The following SAMD4A variants were observed in gnomAD, a reference collection of about 807,000 sequenced individuals.
SAMD4A encodes sterile alpha motif domain containing 4A.
In SAMD4A, 33 loss-of-function variants were observed where a neutral mutation model predicts 81.3. The observed-to-expected ratio is 0.41, with a 90% CI of 0.31 to 0.54. The LOEUF is 0.54. Among genes scored for constraint, SAMD4A ranks in the 20% least tolerant of loss-of-function variants. SAMD4A has a pLI of 0.37. For synonymous variants in SAMD4A, 389 were observed against 382.1 expected, an observed-to-expected ratio of 1.02 and a Z score of -0.21; for missense variants, 854 against 951.1, an observed-to-expected ratio of 0.90 and a Z score of 1.34.
intron 2 of SAMD4A, among the ~76,000 whole-genome samples, chr14:54,651,983 G>A (rs978827575): frequency 6.6e-6 from 1 of 152,208 alleles, no homozygotes; most frequent in Non-Finnish European, 1.5e-5. Context: ...TTTTCCAAGG[G>A]AGGGTTTAGA....
At chr14:54,593,450 G>C (rs559369556) in intron 2 of SAMD4A, among the ~76,000 whole-genome samples, 1 of 152,088 alleles carries the variant, frequency 6.6e-6, no homozygotes, top group Non-Finnish European at 1.5e-5. Flanking sequence ...TACAACAACA[G>C]GTTTTTCTAT....
intron 4 of SAMD4A, among the ~76,000 whole-genome samples, chr14:54,743,944 T>C (rs1211705662): frequency 6.6e-6 from 1 of 152,216 alleles, no homozygotes; most frequent in East Asian, 1.9e-4. Context: ...GAAAGGAACA[T>C]CTTCCATCCC....
chr14:54,680,393 GT>G (rs1163714839), intron 2 of SAMD4A, among the ~76,000 whole-genome samples: 8 of 152,226 alleles, frequency 5.3e-5, no homozygotes, highest in Non-Finnish European at 1.0e-4. Flanking sequence ...TTTCAGGTCT[GT>G]TACTGAAAGA....
chr14:54,723,006 G>C (rs2037301101), intron 3 of SAMD4A, among the ~76,000 whole-genome samples: 1 of 152,012 alleles, frequency 6.6e-6, no homozygotes, highest in Admixed American at 6.6e-5. Context: ...AACCCCATCT[G>C]GTACCTTGTG....
intron 3 of SAMD4A, among the ~76,000 whole-genome samples, chr14:54,721,621 G>A (rs2037264732): frequency 6.6e-6 from 1 of 152,128 alleles, no homozygotes; most frequent in Admixed American, 6.6e-5. Flanking sequence ...GGAAGGTAAG[G>A]GGCTGCCTGA....
chr14:54,687,734 G>A (rs1466559625), intron 2 of SAMD4A, among the ~76,000 whole-genome samples: 5 of 152,196 alleles, frequency 3.3e-5, no homozygotes, highest in African/African-American at 4.8e-5. Flanking sequence ...CTGCGCCTTG[G>A]TGTCCCCTAA....
chr14:54,657,729 G>A (rs1594778777), intron 2 of SAMD4A, among the ~76,000 whole-genome samples: 9 of 152,282 alleles, frequency 5.9e-5, no homozygotes, highest in African/African-American at 2.2e-4. Context: ...TGGAAATTAA[G>A]ATTTTCATAT....
chr14:54,711,160 A>G (rs1048153552), intron 3 of SAMD4A, among the ~76,000 whole-genome samples: 14 of 152,212 alleles, frequency 9.2e-5, no homozygotes, highest in Non-Finnish European at 1.9e-4. Context: ...ATGAATTTCC[A>G]AAATAAACAA....
intron 2 of SAMD4A, among the ~76,000 whole-genome samples, chr14:54,578,696 A>T (rs1429251469): frequency 6.6e-6 from 1 of 152,148 alleles, no homozygotes; most frequent in African/African-American, 2.4e-5. Flanking sequence ...TGGGTGACAG[A>T]GCGAGACTCC....
At chr14:54,642,182 G>T (rs1355763319) in intron 2 of SAMD4A, among the ~76,000 whole-genome samples, 20 of 152,214 alleles carry the variant, frequency 1.3e-4, no homozygotes, top group Admixed American at 1.3e-3. Flanking sequence ...TCATGTATCA[G>T]CATGATGGCT....
intron 3 of SAMD4A, 63 bp from the exon 4 acceptor site, chr14:54,736,961 G>A: frequency 6.3e-7 from 1 of 1,579,116 alleles, no homozygotes; most frequent in Non-Finnish European, 8.6e-7. Context: ...GGTATTGTGG[G>A]TTCTTCGGTG....
intron 2 of SAMD4A, chr14:54,687,448 A>G (rs1157930514): frequency 2.4e-5 from 10 of 419,932 alleles, no homozygotes; most frequent in Non-Finnish European, 3.3e-5. Flanking sequence ...TGAAATAAAA[A>G]CAAACAAAAA....
Position 54,732,103 on chromosome 14 carries a change from A to G in SAMD4A, c.716-4921A>G, listed in dbSNP as rs150224801. Among the ~76,000 whole-genome samples, 31 of 152,324 alleles carry G rather than the reference A, an allele frequency of 2.0e-4. No homozygotes were observed. The East Asian group carries it at 5.6e-3, about 27-fold the overall frequency. On this transcript the variant is annotated intron_variant, in intron 3 of 12. Transcript: ENST00000554335. ...CAAAGACGGCATAAAGCAACAAATC[A>G]TCTCTGTCAAATGAGTGTGCTAGAC...
At chr14:54,728,075 C>T (rs574622093) in intron 3 of SAMD4A, among the ~76,000 whole-genome samples, 32 of 152,226 alleles carry the variant, frequency 2.1e-4, no homozygotes, top group Non-Finnish European at 3.4e-4. Flanking sequence ...CGGTCCTGGG[C>T]GCTGAATTAT....
chr14:54,624,719 TC>T (rs779075801), intron 2 of SAMD4A, among the ~76,000 whole-genome samples: 3 of 152,168 alleles, frequency 2.0e-5, no homozygotes, highest in African/African-American at 2.4e-5. Context: ...ATTACTAAAT[TC>T]AGTTGGTGAG....
intron 2 of SAMD4A, among the ~76,000 whole-genome samples, chr14:54,662,986 G>A (rs1372184705): frequency 6.6e-6 from 1 of 152,234 alleles, no homozygotes; most frequent in East Asian, 1.9e-4. Flanking sequence ...TTGTTGCACA[G>A]TGGAAGTCCC....
At chr14:54,616,421 A>G (rs2140286126) in intron 2 of SAMD4A, among the ~76,000 whole-genome samples, 1 of 152,324 alleles carries the variant, frequency 6.6e-6, no homozygotes, top group East Asian at 1.9e-4. Context: ...TTTTCATTGC[A>G]TTAGAAGCCT....
intron 2 of SAMD4A, among the ~76,000 whole-genome samples, chr14:54,665,768 T>C (rs1287918018): frequency 6.6e-6 from 1 of 152,206 alleles, no homozygotes; most frequent in Non-Finnish European, 1.5e-5. Context: ...TTTCTGAGGA[T>C]TTTCTGGGTC....
intron 11 of SAMD4A, among the ~76,000 whole-genome samples, chr14:54,777,138 G>C (rs2038874312): frequency 6.6e-6 from 1 of 152,210 alleles, no homozygotes; most frequent in Admixed American, 6.5e-5. Flanking sequence ...TGTAGACTTT[G>C]TAGACTCCAT....
Sources: allele counts gnomAD v4.1 joint callset (sites outside exome capture counted in the v4.1 genomes callset), GRCh38; gene constraint gnomAD v4.1.1; transcripts MANE v1.5; gene names NCBI Gene and HGNC (gene_info 2026-07-23, HGNC 2026-07-21).